The following ZFPM2 variants were observed in gnomAD, a reference collection of about 807,000 sequenced individuals.
The protein encoded by ZFPM2 is zinc finger protein, FOG family member 2, also known as zinc finger protein ZFPM2.
Under a neutral mutation model 98.6 loss-of-function variants are expected in ZFPM2, and 20 were observed. The observed-to-expected ratio is 0.20, with a 90% confidence interval of 0.14 to 0.29. ZFPM2 has a LOEUF of 0.29. ZFPM2 is among the 10% of genes least tolerant of loss of function. The pLI, the probability that ZFPM2 is intolerant of heterozygous loss-of-function variation, is 1.00. For synonymous variants in ZFPM2, 518 were observed against 502.7 expected (o/e 1.03, Z -0.41); for missense variants, 1,310 against 1,388.6 (o/e 0.94, Z 0.90).
At chr8:105,607,651 T>G (rs1816222764) in intron 4 of ZFPM2, among the ~76,000 whole-genome samples, 1 of 151,936 alleles carries the variant, frequency 6.6e-6, no homozygotes, top group Non-Finnish European at 1.5e-5. Context: ...CTAAGCTGAA[T>G]ACCTTCTACC....
At chr8:105,534,230 T>C (rs1252307219) in intron 3 of ZFPM2, among the ~76,000 whole-genome samples, 45 of 38,386 alleles carry the variant, frequency 1.2e-3, no homozygotes, top group African/African-American at 3.4e-3. Context: ...CTTCCTCCCT[T>C]CCTCCCTCCC....
chr8:105,371,836 C>A (rs532697057), intron 1 of ZFPM2, among the ~76,000 whole-genome samples: 3 of 152,036 alleles, frequency 2.0e-5, no homozygotes, highest in Admixed American at 2.0e-4. Flanking sequence ...CTGTGTATTA[C>A]ATAATTGTGT....
chr8:105,755,438 G>C (rs1440143088), intron 5 of ZFPM2, among the ~76,000 whole-genome samples: 1 of 152,106 alleles, frequency 6.6e-6, no homozygotes, highest in Non-Finnish European at 1.5e-5. Context: ...GACCCAGTGT[G>C]TGATCATATA....
intron 1 of ZFPM2, among the ~76,000 whole-genome samples, chr8:105,350,997 A>C (rs907665509): frequency 2.0e-5 from 3 of 152,016 alleles, no homozygotes; most frequent in African/African-American, 7.2e-5. Flanking sequence ...AGCCTGGCCA[A>C]CATGGTGAAA....
chr8:105,393,722 G>A (rs1375433519), intron 1 of ZFPM2, among the ~76,000 whole-genome samples: 2 of 152,066 alleles, frequency 1.3e-5, no homozygotes, highest in Non-Finnish European at 2.9e-5. Context: ...TTATTTACCA[G>A]AGAGTTTGAT....
chr8:105,433,025 A>C (rs1477356691), intron 2 of ZFPM2, among the ~76,000 whole-genome samples: 1 of 152,094 alleles, frequency 6.6e-6, no homozygotes, highest in Non-Finnish European at 1.5e-5. Flanking sequence ...GCTTGAGCCC[A>C]GGAGTTCAAG....
At chr8:105,356,469 T>C (rs955294203) in intron 1 of ZFPM2, among the ~76,000 whole-genome samples, 1 of 152,240 alleles carries the variant, frequency 6.6e-6, no homozygotes, top group Non-Finnish European at 1.5e-5. Flanking sequence ...TTCTTTCCCA[T>C]TTATTGCTTT....
intron 5 of ZFPM2, among the ~76,000 whole-genome samples, chr8:105,759,416 A>G (rs1812685007): frequency 6.6e-6 from 1 of 151,996 alleles, no homozygotes; most frequent in African/African-American, 2.4e-5. Context: ...CCTTTCCACA[A>G]TATCCGCTTC....
At chr8:105,432,344 T>A (rs1812037563) in intron 2 of ZFPM2, among the ~76,000 whole-genome samples, 2 of 152,148 alleles carry the variant, frequency 1.3e-5, no homozygotes, top group African/African-American at 4.8e-5. Context: ...CATTAGAGTG[T>A]TTGAACTAGT....
intron 1 of ZFPM2, among the ~76,000 whole-genome samples, chr8:105,393,337 CCTTT>C (rs1196120373): frequency 0.064 from 7,391 of 114,696 alleles, 365 homozygotes; most frequent in Non-Finnish European, 0.087. Flanking sequence ...TCTCTCTTTG[CCTTT>C]CTTTCTTTCT....
intron 5 of ZFPM2, among the ~76,000 whole-genome samples, chr8:105,755,970 G>T (rs1418241535): frequency 6.6e-6 from 1 of 152,118 alleles, no homozygotes; most frequent in Admixed American, 6.6e-5. Flanking sequence ...CAAGGTGAGT[G>T]TAAGATATTC....
rs1378088790 is a variant in ZFPM2 at position 105,803,445 on chromosome 8, C to T, written c.3363C>T (p.Cys1121=). ...SSQAPTSGKY[C]RLCDIQFNNL... ...AGGCTCCAACCAGTGGGAAATATTGCCGGCTATGTGATATCCAGTTCAACA... is the reference window on the plus strand; with the variant it reads ...AGGCTCCAACCAGTGGGAAATATTGTCGGCTATGTGATATCCAGTTCAACA... Residue 1121 remains cysteine, a synonymous_variant, in exon 8 of 8, where the codon TGC becomes TGT. Coordinates refer to ENST00000407775, the MANE Select transcript of ZFPM2 (RefSeq NM_012082.4). 2 of 1,613,632 alleles carry T rather than the reference C, an allele frequency of 1.2e-6. No individual in the cohort carries two copies. Among genetic ancestry groups the T allele is most frequent in the African/African-American group, 1.3e-5 (1 of 75,030 alleles).
chr8:105,494,866 T>C (rs1813429286), intron 3 of ZFPM2, among the ~76,000 whole-genome samples: 1 of 152,216 alleles, frequency 6.6e-6, no homozygotes, highest in African/African-American at 2.4e-5. Flanking sequence ...AAGGATACCA[T>C]GTTGGTTCTT....
At chr8:105,395,613 C>G (rs969747956) in intron 1 of ZFPM2, among the ~76,000 whole-genome samples, 7 of 152,054 alleles carry the variant, frequency 4.6e-5, no homozygotes, top group African/African-American at 1.2e-4. Flanking sequence ...TGATCTGTCC[C>G]CTATTTCCCC....
At chr8:105,373,657 T>C (rs1810666876) in intron 1 of ZFPM2, among the ~76,000 whole-genome samples, 1 of 152,140 alleles carries the variant, frequency 6.6e-6, no homozygotes. Context: ...AATTAATGCC[T>C]AACTGCATAT....
intron 5 of ZFPM2, among the ~76,000 whole-genome samples, chr8:105,685,581 T>C (rs892091070): frequency 6.6e-6 from 1 of 152,054 alleles, no homozygotes; most frequent in South Asian, 2.1e-4. Context: ...GACTTTTTTT[T>C]CCCAGCAATG....
intron 1 of ZFPM2, among the ~76,000 whole-genome samples, chr8:105,363,705 A>G (rs139362242): frequency 4.6e-5 from 7 of 152,252 alleles, no homozygotes; most frequent in African/African-American, 1.7e-4. Flanking sequence ...AATGATATGT[A>G]TTCCTAAGTT....
chr8:105,760,062 G>A (rs1420517268), intron 5 of ZFPM2, among the ~76,000 whole-genome samples: 15 of 151,974 alleles, frequency 9.9e-5, no homozygotes, highest in Non-Finnish European at 1.3e-4. Context: ...AAGAGAGTAA[G>A]AGTGTTGAAC....
intron 5 of ZFPM2, among the ~76,000 whole-genome samples, chr8:105,741,927 T>G (rs1020835109): frequency 2.0e-5 from 3 of 152,038 alleles, no homozygotes; most frequent in African/African-American, 7.2e-5. Flanking sequence ...AGGAAGGGCT[T>G]ATGATGAGGG....
Sources: allele counts gnomAD v4.1 joint callset (sites outside exome capture counted in the v4.1 genomes callset), GRCh38; gene constraint gnomAD v4.1.1; transcripts MANE v1.5; gene names NCBI Gene and HGNC (gene_info 2026-07-23, HGNC 2026-07-21).